The following CLEC18A variants were observed in gnomAD, a reference collection of about 807,000 sequenced individuals.
CLEC18A encodes mannose receptor-like 1.
Under a neutral mutation model 24.0 loss-of-function variants are expected in CLEC18A, and 5 were observed. The observed-to-expected ratio is 0.21, with a 90% confidence interval of 0.11 to 0.44. The LOEUF (loss-of-function observed/expected upper bound fraction) is 0.44. Ranked by LOEUF, CLEC18A falls within the 20% of genes least tolerant of loss-of-function variation. The pLI is 0.99. For missense variants in CLEC18A, 83 were observed against 233.4 expected, an observed-to-expected ratio of 0.36 and a Z score of 4.20; for synonymous variants, 29 against 100.1, an observed-to-expected ratio of 0.29 and a Z score of 4.24.
downstream of CLEC18A, among the ~76,000 whole-genome samples, chr16:69,964,666 A>AT (rs1246362653): frequency 7.0e-4 from 102 of 145,456 alleles, no homozygotes; most frequent in East Asian, 2.3e-3. Context: ...CGCCCGGCTA[A>AT]TTTGTTTTTT....
At chr16:69,948,499 G>A (rs1329704614), upstream of CLEC18A, among the ~76,000 whole-genome samples, 1 of 151,870 alleles carries the variant, frequency 6.6e-6, no homozygotes, top group African/African-American at 2.4e-5. Context: ...AATGCAGACT[G>A]GGAGAAGAGG....
At chr16:69,946,560 G>A (rs1188871948), upstream of CLEC18A, among the ~76,000 whole-genome samples, 30 of 144,830 alleles carry the variant, frequency 2.1e-4, no homozygotes, top group African/African-American at 7.1e-4. Flanking sequence ...CCACCACCAC[G>A]CCTGGCTAAT....
At chr16:69,945,774 C>A (rs532133307), upstream of CLEC18A, among the ~76,000 whole-genome samples, 4 of 152,374 alleles carry the variant, frequency 2.6e-5, no homozygotes, top group Non-Finnish European at 5.9e-5. Flanking sequence ...CCCTGGCCAA[C>A]ATGGTGAAAT....
chr16:69,954,503 C>T lies in CLEC18A; in HGVS notation c.386C>T (p.Ala129Val). Residue 129 changes from alanine (A) to valine (V), a missense_variant, in exon 3 of 12, where the codon GCA becomes GTA. Ala to Val is a moderately conservative substitution (Grantham distance 64). Around this residue, in one of 3 missense-constraint regions of CLEC18A, gnomAD observed 71 missense variants for 107.4 expected, o/e 0.66. Transcript: ENST00000288040. ...GTCGAAGTGGTCAGCCTATGGTTTG[C>T]AGAGGGGCAGCGGTACAGCCACGCG... is the stretch of plus-strand genomic sequence containing the variant. ...SFVEVVSLWFAEGQRYSHAAG... is the reference protein window; with the variant it reads ...SFVEVVSLWFVEGQRYSHAAG... 1 of 1,612,626 alleles carries T rather than the reference C, an allele frequency of 6.2e-7. No individual in the cohort carries two copies. The highest frequency in any genetic ancestry group is 8.5e-7 in the Non-Finnish European group (1 of 1,179,228).
the CLEC18A span, among the ~76,000 whole-genome samples, chr16:69,944,703 G>T: frequency 3.4e-5 from 5 of 146,458 alleles, no homozygotes; most frequent in Non-Finnish European, 7.5e-5. Flanking sequence ...GGGTGTGGTG[G>T]TGGGTGCCTG....
At chr16:69,946,077 AGTGAGACTCTGTCTC>A (rs1004926603), upstream of CLEC18A, among the ~76,000 whole-genome samples, 1 of 100,410 alleles carries the variant, frequency 1.0e-5, no homozygotes, top group African/African-American at 4.0e-5. Context: ...TCAGTGACAG[AGTGAGACTCTGTCTC>A]AAAAAAAAAA....
At chr16:69,945,120 G>T in the CLEC18A span, among the ~76,000 whole-genome samples, 2 of 144,796 alleles carry the variant, frequency 1.4e-5, no homozygotes, top group African/African-American at 5.6e-5. Context: ...GTGAGACCCT[G>T]TCTGGAAAAA....
At chr16:69,945,125 GAAA>G in the CLEC18A span, among the ~76,000 whole-genome samples, 1 of 130,508 alleles carries the variant, frequency 7.7e-6, no homozygotes, top group African/African-American at 3.4e-5. Context: ...ACCCTGTCTG[GAAA>G]AAAAAAAAAA....
chr16:69,945,006 G>T, the CLEC18A span, among the ~76,000 whole-genome samples: 1 of 146,058 alleles, frequency 6.8e-6, no homozygotes, highest in Non-Finnish European at 1.5e-5. Flanking sequence ...GCCGGGCATG[G>T]TGGTGCATGC....
upstream of CLEC18A, among the ~76,000 whole-genome samples, chr16:69,946,206 G>A (rs796306766): frequency 9.6e-5 from 12 of 124,592 alleles, no homozygotes; most frequent in East Asian, 1.6e-3. Context: ...CCCAGGAGGC[G>A]GAGGTTGCAG....
At chr16:69,954,252 G>A in intron 2 of CLEC18A, 82 bp from the exon 3 acceptor site, 2 of 1,542,178 alleles carry the variant, frequency 1.3e-6, no homozygotes, top group East Asian at 2.3e-5. Context: ...TGGATGCTCA[G>A]AGATGGCAGG....
chr16:69,966,598 TAATC>T (rs1959399550), downstream of CLEC18A, among the ~76,000 whole-genome samples: 1 of 135,020 alleles, frequency 7.4e-6, no homozygotes, highest in African/African-American at 2.9e-5. Flanking sequence ...CTTTAGCATA[TAATC>T]AATAAATAAC....
intron 2 of CLEC18A, chr16:69,953,217 C>A (rs1201400571): frequency 2.6e-5 from 4 of 152,510 alleles, no homozygotes; most frequent in Non-Finnish European, 4.4e-5. Flanking sequence ...GGCACCCCCT[C>A]TTTGGACACA....
upstream of CLEC18A, among the ~76,000 whole-genome samples, chr16:69,945,855 G>T (rs1241024380): frequency 6.6e-6 from 1 of 151,986 alleles, no homozygotes; most frequent in African/African-American, 2.4e-5. Flanking sequence ...CACTTTGGGA[G>T]GCCAAGGTGG....
At position 69,954,371 on chromosome 16, in the gene CLEC18A, G is replaced by A. The variant is rs1490630081; in HGVS notation, c.254G>A (p.Arg85Lys). The A allele has an allele frequency of 2.2e-5, 36 of 1,607,714 alleles. No individual in the cohort carries two copies. The highest frequency in any genetic ancestry group is 3.1e-5 in the Non-Finnish European group (36 of 1,177,988). The stretch of plus-strand genomic sequence containing the variant: ...AGCCTGGCCCAGCTGGCTCAAGCCA[G>A]GGCAGCCCTCTGTGGAACCCCAACC... ...SDSLAQLAQARAALCGTPTPS... is the reference protein window; with the variant it reads ...SDSLAQLAQAKAALCGTPTPS... The change falls in exon 3 of 12, where the codon AGG becomes AAG. Residue 85 changes from arginine to lysine, a missense_variant. By Grantham distance (26) the Arg-to-Lys change is conservative. Coordinates refer to ENST00000288040, the MANE Select transcript of CLEC18A (RefSeq NM_001370523.4).
At chr16:69,946,392 A>T (rs2058911045), upstream of CLEC18A, among the ~76,000 whole-genome samples, 4 of 84,092 alleles carry the variant, frequency 4.8e-5, no homozygotes, top group Admixed American at 1.7e-4. Flanking sequence ...ATGTGTATGG[A>T]TTTTTTTTTT....
In CLEC18A at chr16:69,963,011, C is replaced by A. The variant is rs757238545; in HGVS notation, c.1247C>A (p.Ala416Asp). The part of the protein sequence containing the change: ...GNCVELQASA[A>D]FNWNDQRCKT... ...TGCGTGGAGCTGCAGGCTTCAGCTG[C>A]CTTCAACTGGAACGACCAGCGCTGC... Residue 416 changes from alanine (A) to aspartate (D), a missense_variant, in exon 11 of 12, where the codon GCC becomes GAC. Ala to Asp is a moderately radical substitution (Grantham distance 126). This residue lies in a region of CLEC18A where 11 missense variants were observed against 57.6 expected (regional missense o/e 0.19). Transcript: ENST00000288040. 15 of 1,612,760 alleles carry A rather than the reference C, an allele frequency of 9.3e-6. No homozygotes were observed. The South Asian group carries it at 1.6e-4, about 18-fold the overall frequency.
the CLEC18A span, among the ~76,000 whole-genome samples, chr16:69,944,758 C>T: frequency 4.1e-5 from 5 of 120,972 alleles, no homozygotes; most frequent in African/African-American, 1.8e-4. Flanking sequence ...ATGGTGTAAA[C>T]CCGGGAGGCG....
chr16:69,965,148 G>C (rs1332958865), downstream of CLEC18A, among the ~76,000 whole-genome samples: 4 of 151,712 alleles, frequency 2.6e-5, no homozygotes, highest in Non-Finnish European at 4.4e-5. Flanking sequence ...CTGTCTAACC[G>C]GGCGCGGGCA....
Sources: gnomAD v4.1 joint callset for allele counts (sites outside exome capture counted in the v4.1 genomes callset) on GRCh38, gnomAD v4.1.1 for gene constraint, gnomAD v4.1.1 regional missense constraint, MANE v1.5 for transcripts, NCBI Gene and HGNC (gene_info 2026-07-23, HGNC 2026-07-21) for gene names.